Variants in AIDA observed in about 807,000 individuals in gnomAD.
AIDA encodes the protein axin interactor, dorsalization associated, also known as axin interactor, dorsalization-associated protein.
In AIDA, 18 loss-of-function variants were observed where a neutral mutation model predicts 42.7. The observed-to-expected ratio is 0.42, with a 90% CI of 0.29 to 0.63. The LOEUF (loss-of-function observed/expected upper bound fraction) is 0.63. Ranked by LOEUF, AIDA falls within the 20% of genes least tolerant of loss-of-function variation. The pLI is 0.19. For missense variants in AIDA, 250 were observed against 354.1 expected (o/e 0.71, Z 2.36); for synonymous variants, 104 against 122.9 (o/e 0.85, Z 1.02).
At chr1:222,689,481 G>GTATGTGTATATATATA (rs1553294373) in intron 4 of AIDA, among the ~76,000 whole-genome samples, 1 of 35,330 alleles carries the variant, frequency 2.8e-5, no homozygotes, top group African/African-American at 7.4e-5. Context: ...GTGTGTGTGT[G>GTATGTGTATATATATA]TATATATATA....
Position 222,669,786 on chromosome 1 carries a change from G to T in AIDA, c.*107C>A, listed in dbSNP as rs138691676. ...GACTCCGTCCGGCCTACTGGTCTGG[G>T]TACGGCTTGCTTCCTGCCTGTTGAA... On this transcript the variant is annotated 3_prime_UTR_variant, in exon 10 of 10. Transcript: ENST00000340020. The T allele has an allele frequency of 1.3e-3, 1,270 of 1,008,664 alleles. 29 individuals are homozygous for T. In the East Asian group the frequency reaches 0.026, roughly 21 times the overall value. 62.5% of individuals were successfully genotyped at this position (1,008,664 alleles called of 1,614,324 possible).
intron 1 of AIDA, among the ~76,000 whole-genome samples, chr1:222,710,159 G>T (rs1558218267): frequency 6.6e-6 from 1 of 152,142 alleles, no homozygotes; most frequent in Non-Finnish European, 1.5e-5. Context: ...AAATGAAAAA[G>T]ATAATTTGCA....
intron 1 of AIDA, among the ~76,000 whole-genome samples, chr1:222,710,840 T>C (rs1558218553): frequency 1.3e-5 from 2 of 152,190 alleles, no homozygotes; most frequent in African/African-American, 4.8e-5. Flanking sequence ...CACTGGGTTA[T>C]TGCAAGAGCA....
chr1:222,708,031 G>A (rs1346161832), intron 1 of AIDA, among the ~76,000 whole-genome samples: 1 of 152,110 alleles, frequency 6.6e-6, no homozygotes, highest in Non-Finnish European at 1.5e-5. Flanking sequence ...AAGTGGGGCC[G>A]GGCCTGGTGG....
chr1:222,676,254 C>T (rs1393993902), intron 6 of AIDA, 36 bp from the exon 7 acceptor site: 2 of 1,581,164 alleles, frequency 1.3e-6, no homozygotes, highest in African/African-American at 1.4e-5. Context: ...AGCTCCATAT[C>T]ATTTCACAGT....
At chr1:222,684,508 A>C (rs1195415356) in intron 6 of AIDA, among the ~76,000 whole-genome samples, 1 of 152,210 alleles carries the variant, frequency 6.6e-6, no homozygotes, top group Non-Finnish European at 1.5e-5. Context: ...CTATAATTAA[A>C]AGTTAAGTAT....
intron 2 of AIDA, among the ~76,000 whole-genome samples, chr1:222,698,075 C>T (rs769538204): frequency 2.6e-5 from 4 of 152,166 alleles, no homozygotes; most frequent in Admixed American, 6.5e-5. Context: ...CTTTTGGCAG[C>T]TATTCATTGG....
At chr1:222,693,984 T>A (rs2124961851) in intron 3 of AIDA, 141 bp from the exon 4 acceptor site, 2 of 880,554 alleles carry the variant, frequency 2.3e-6, no homozygotes, top group African/African-American at 1.7e-5. Flanking sequence ...CAAACTGGTT[T>A]TTGTTTATTT....
chr1:222,693,882 A>T, intron 3 of AIDA, 39 bp from the exon 4 acceptor site: 1 of 1,478,396 alleles, frequency 6.8e-7, no homozygotes, highest in East Asian at 2.3e-5. Flanking sequence ...TTTCACTACA[A>T]GGATTTCACT....
In AIDA at chr1:222,687,683, T is replaced by C. The variant is rs781349921; in HGVS notation, c.290-25A>G. ...ACTAGAATAAGAAGATAAAGAAACA[T>C]GAATTCTTCCATGAAGCAAAATCAA... On this transcript the variant is annotated intron_variant, in intron 4 of 9. Coordinates refer to ENST00000340020, the MANE Select transcript of AIDA (RefSeq NM_022831.4). The C allele has an allele frequency of 2.3e-5, 33 of 1,432,556 alleles. 1 individual carries two copies. In the South Asian group the frequency reaches 3.4e-4, roughly 15 times the overall value. The allele number at this position is 1,432,556 out of a possible 1,614,324, so 88.7% of individuals were successfully genotyped here. A position where few individuals can be genotyped will look rare whatever the true frequency, so the allele number is the denominator to read the frequency against.
chr1:222,671,361 T>G (rs1342010961), intron 8 of AIDA, among the ~76,000 whole-genome samples: 2 of 152,074 alleles, frequency 1.3e-5, no homozygotes, highest in African/African-American at 4.8e-5. Flanking sequence ...CCAACAAAAA[T>G]GAATTTCTAA....
At chr1:222,684,363 C>T (rs910233311) in intron 6 of AIDA, among the ~76,000 whole-genome samples, 5 of 152,098 alleles carry the variant, frequency 3.3e-5, no homozygotes, top group Admixed American at 1.3e-4. Context: ...TCACCTGCCT[C>T]GGCCTCCCAA....
At chr1:222,677,280 AG>A (rs1328863357) in intron 6 of AIDA, among the ~76,000 whole-genome samples, 14 of 152,312 alleles carry the variant, frequency 9.2e-5, no homozygotes, top group Middle Eastern at 6.8e-3. Context: ...TTTTATACTC[AG>A]GAACCCTACT....
intron 6 of AIDA, among the ~76,000 whole-genome samples, chr1:222,676,540 C>T (rs1664547113): frequency 6.6e-6 from 1 of 152,054 alleles, no homozygotes; most frequent in African/African-American, 2.4e-5. Context: ...TTTGTATATG[C>T]TCATTTATAT....
chr1:222,694,348 G>T, intron 2 of AIDA, 85 bp from the exon 3 acceptor site: 4 of 1,135,828 alleles, frequency 3.5e-6, no homozygotes, highest in South Asian at 2.7e-5. Context: ...ATTAATAAAA[G>T]ATCCATAATT....
chr1:222,678,743 G>A (rs938675782), intron 6 of AIDA, among the ~76,000 whole-genome samples: 9 of 152,040 alleles, frequency 5.9e-5, no homozygotes, highest in African/African-American at 1.7e-4. Context: ...TGATTAAGAC[G>A]ACAGGTAATA....
intron 6 of AIDA, among the ~76,000 whole-genome samples, chr1:222,680,786 T>G (rs1429122752): frequency 6.6e-6 from 1 of 151,974 alleles, no homozygotes; most frequent in Non-Finnish European, 1.5e-5. Flanking sequence ...TTTTCTAAAG[T>G]AATGTTCACT....
intron 6 of AIDA, among the ~76,000 whole-genome samples, chr1:222,678,331 C>T (rs186116451): frequency 2.0e-5 from 3 of 151,546 alleles, no homozygotes; most frequent in Admixed American, 2.0e-4. Context: ...GAATATTAGT[C>T]GTTTGTCATT....
At chr1:222,684,948 T>C (rs1664715535) in intron 6 of AIDA, among the ~76,000 whole-genome samples, 1 of 152,146 alleles carries the variant, frequency 6.6e-6, no homozygotes, top group East Asian at 1.9e-4. Context: ...AATTACAGTA[T>C]GTGGTTTGAA....
Sources: gnomAD v4.1 joint callset for allele counts (sites outside exome capture counted in the v4.1 genomes callset) on GRCh38, gnomAD v4.1.1 for gene constraint, MANE v1.5 for transcripts, NCBI Gene and HGNC (gene_info 2026-07-23, HGNC 2026-07-21) for gene names.